SPIDR: variants seen among roughly 807,000 people sequenced by gnomAD.
The protein encoded by SPIDR is DNA repair-scaffolding protein.
In SPIDR, 93 loss-of-function variants were observed where a neutral mutation model predicts 104.6. That is an observed-to-expected ratio of 0.89 (90% CI 0.75 to 1.06). The LOEUF is 1.06. SPIDR is among the 50% of genes least tolerant of loss of function. The probability of loss-of-function intolerance (pLI) is 0.00; values close to 1 mark genes in which losing one functional copy is unlikely to be tolerated. For missense variants in SPIDR, 1,154 were observed against 1,111.2 expected, an observed-to-expected ratio of 1.04 and a Z score of -0.55; for synonymous variants, 431 against 416.9, an observed-to-expected ratio of 1.03 and a Z score of -0.41.
At chr8:47,642,998 A>G (rs1251355948) in intron 10 of SPIDR, among the ~76,000 whole-genome samples, 3 of 152,246 alleles carry the variant, frequency 2.0e-5, no homozygotes, top group Admixed American at 6.5e-5. Context: ...AATCATACAT[A>G]TGGATTCTAG....
At chr8:47,327,986 C>T (rs1473658458) in intron 5 of SPIDR, among the ~76,000 whole-genome samples, 10 of 151,424 alleles carry the variant, frequency 6.6e-5, no homozygotes, top group Admixed American at 5.9e-4. Context: ...GCATGAGCCA[C>T]GACCCCTGGC....
chr8:47,447,199 CTG>C (rs2070811762), intron 8 of SPIDR, among the ~76,000 whole-genome samples: 1 of 152,060 alleles, frequency 6.6e-6, no homozygotes, highest in Non-Finnish European at 1.5e-5. Flanking sequence ...AGCAAAGAAA[CTG>C]TTTTTCTGTT....
chr8:47,356,078 C>G (rs1350441522), intron 5 of SPIDR, among the ~76,000 whole-genome samples: 1 of 152,168 alleles, frequency 6.6e-6, no homozygotes, highest in Non-Finnish European at 1.5e-5. Context: ...GTAGCAGACA[C>G]AACACATGTG....
chr8:47,409,888 C>T (rs578170712), intron 7 of SPIDR, among the ~76,000 whole-genome samples: 6 of 152,132 alleles, frequency 3.9e-5, no homozygotes, highest in South Asian at 2.1e-4. Flanking sequence ...ATTAACTGTA[C>T]GTGGTGGCAC....
At chr8:47,329,234 C>A (rs991154253) in intron 5 of SPIDR, among the ~76,000 whole-genome samples, 1 of 152,094 alleles carries the variant, frequency 6.6e-6, no homozygotes, top group South Asian at 2.1e-4. Flanking sequence ...CCACGCCCGG[C>A]TGATTTTTTT....
At chr8:47,403,141 C>T (rs987640804) in intron 6 of SPIDR, among the ~76,000 whole-genome samples, 3 of 152,118 alleles carry the variant, frequency 2.0e-5, no homozygotes, top group African/African-American at 7.2e-5. Context: ...AGGCCTTTGA[C>T]AAAATTGCAA....
intron 10 of SPIDR, among the ~76,000 whole-genome samples, chr8:47,657,039 G>T (rs1386051781): frequency 1.3e-5 from 2 of 152,180 alleles, no homozygotes; most frequent in South Asian, 2.1e-4. Context: ...ATGGATGGAG[G>T]TTTCCTTTTG....
At position 47,284,758 on chromosome 8, in the gene SPIDR, T is replaced by C. The variant is rs966121560; in HGVS notation, c.256+664T>C. Among the ~76,000 whole-genome samples, 3 of 152,232 alleles carry C rather than the reference T, an allele frequency of 2.0e-5. No homozygotes were observed. In the South Asian group the frequency reaches 6.2e-4, roughly 32 times the overall value. On this transcript the variant is annotated intron_variant, in intron 3 of 19. Transcript: ENST00000297423. Reference sequence around the variant, plus strand: ...GCCTTTCCTTTGGGAAGGAATGCGCTTCCCAGTACCTCTACCTTTGACTAG... The same window carrying C: ...GCCTTTCCTTTGGGAAGGAATGCGCCTCCCAGTACCTCTACCTTTGACTAG...
At chr8:47,486,690 G>A (rs953699663) in intron 8 of SPIDR, among the ~76,000 whole-genome samples, 29 of 152,210 alleles carry the variant, frequency 1.9e-4, no homozygotes, top group African/African-American at 2.4e-4. Context: ...AGTGGGGGCC[G>A]ATATTCAACA....
At chr8:47,408,488 A>G (rs1299429226) in intron 7 of SPIDR, among the ~76,000 whole-genome samples, 1 of 152,212 alleles carries the variant, frequency 6.6e-6, no homozygotes, top group Non-Finnish European at 1.5e-5. Flanking sequence ...TCTGTACTGC[A>G]GATCTCTAGG....
chr8:47,627,900 G>A (rs1165661562), intron 10 of SPIDR, among the ~76,000 whole-genome samples: 3 of 152,182 alleles, frequency 2.0e-5, no homozygotes, highest in Non-Finnish European at 4.4e-5. Context: ...GGACCAGCTG[G>A]AACTGGTTAA....
chr8:47,408,983 C>T (rs576061329), intron 7 of SPIDR, among the ~76,000 whole-genome samples: 11 of 152,002 alleles, frequency 7.2e-5, no homozygotes, highest in African/African-American at 2.7e-4. Context: ...GTCAAGAGAT[C>T]GAGACCATCC....
chr8:47,688,454 G>T (rs973144224), intron 11 of SPIDR: 2 of 151,872 alleles, frequency 1.3e-5, no homozygotes, highest in African/African-American at 4.8e-5. Context: ...TAGAGATGCC[G>T]CGGCCCCAGC....
chr8:47,640,842 T>TTTG, intron 10 of SPIDR, among the ~76,000 whole-genome samples: 1 of 10,260 alleles, frequency 9.7e-5, no homozygotes, highest in Non-Finnish European at 2.8e-4. Context: ...CACACCCAGC[T>TTTG]TTTTTTTTTT....
At chr8:47,710,097 C>G (rs577534338) in intron 14 of SPIDR, among the ~76,000 whole-genome samples, 37 of 152,164 alleles carry the variant, frequency 2.4e-4, no homozygotes, top group African/African-American at 8.4e-4. Context: ...AGGCTGCTCT[C>G]GAACTCCTGA....
At chr8:47,411,583 G>A (rs538855986) in intron 7 of SPIDR, among the ~76,000 whole-genome samples, 6 of 152,266 alleles carry the variant, frequency 3.9e-5, no homozygotes, top group African/African-American at 1.4e-4. Context: ...GATTGCGAAA[G>A]TTTTCTCCCA....
At chr8:47,535,466 A>G (rs2086741189) in intron 8 of SPIDR, among the ~76,000 whole-genome samples, 1 of 152,166 alleles carries the variant, frequency 6.6e-6, no homozygotes, top group African/African-American at 2.4e-5. Flanking sequence ...AGGGAAACTT[A>G]AGGATCAGTG....
intron 7 of SPIDR, among the ~76,000 whole-genome samples, chr8:47,435,558 C>T (rs571259200): frequency 6.6e-6 from 1 of 152,198 alleles, no homozygotes; most frequent in Non-Finnish European, 1.5e-5. Context: ...TTGAATCTTT[C>T]TGTTCCTGTT....
chr8:47,489,174 G>T (rs1436755921), intron 8 of SPIDR, among the ~76,000 whole-genome samples: 2 of 152,144 alleles, frequency 1.3e-5, no homozygotes, highest in African/African-American at 4.8e-5. Flanking sequence ...CAAAATCAAT[G>T]TGCAAAAATC....
Sources: gnomAD v4.1 joint callset for allele counts (sites outside exome capture counted in the v4.1 genomes callset) on GRCh38, gnomAD v4.1.1 for gene constraint, MANE v1.5 for transcripts, NCBI Gene and HGNC (gene_info 2026-07-23, HGNC 2026-07-21) for gene names.